Variants in SGCZ observed in about 807,000 individuals in gnomAD.
SGCZ encodes sarcoglycan zeta, also known as zeta-sarcoglycan.
Under a neutral mutation model 41.3 loss-of-function variants are expected in SGCZ, and 40 were observed. The observed-to-expected ratio is 0.97, with a 90% CI of 0.75 to 1.26. The LOEUF (loss-of-function observed/expected upper bound fraction) is 1.26, where lower values mean the gene tolerates loss of function less well. Ranked by LOEUF, SGCZ falls within the 50% of genes most tolerant of loss-of-function variation. SGCZ has a pLI of 0.00. For synonymous variants in SGCZ, 206 were observed against 137.5 expected (o/e 1.50, Z -3.49); for missense variants, 552 against 369.8 (o/e 1.49, Z -4.04).
At chr8:14,129,851 C>G (rs1224860623) in intron 5 of SGCZ, among the ~76,000 whole-genome samples, 1 of 152,084 alleles carries the variant, frequency 6.6e-6, no homozygotes, top group African/African-American at 2.4e-5. Context: ...ACAGAAGTAA[C>G]TGGAAACACA....
At chr8:14,871,831 T>C (rs936029027) in intron 1 of SGCZ, among the ~76,000 whole-genome samples, 1 of 151,154 alleles carries the variant, frequency 6.6e-6, no homozygotes, top group African/African-American at 2.4e-5. Context: ...TGTGTATATA[T>C]ATATATATGT....
At chr8:14,430,761 G>A (rs1490322136) in intron 2 of SGCZ, among the ~76,000 whole-genome samples, 2 of 152,134 alleles carry the variant, frequency 1.3e-5, no homozygotes, top group Admixed American at 6.5e-5. Context: ...AAATGTCGTT[G>A]TTTACTGATA....
chr8:14,976,025 T>A (rs1443274169), intron 1 of SGCZ, among the ~76,000 whole-genome samples: 1 of 146,878 alleles, frequency 6.8e-6, no homozygotes, highest in Non-Finnish European at 1.5e-5. Flanking sequence ...TACACATATA[T>A]ATTTTTTTTT....
chr8:15,162,213 A>C (rs923268567), intron 1 of SGCZ, among the ~76,000 whole-genome samples: 16 of 151,676 alleles, frequency 1.1e-4, no homozygotes, highest in Admixed American at 9.8e-4. Context: ...TGGACAAATA[A>C]CTCAAGACAT....
chr8:14,324,951 C>T (rs1449837688), intron 2 of SGCZ, among the ~76,000 whole-genome samples: 1 of 152,074 alleles, frequency 6.6e-6, no homozygotes, highest in Non-Finnish European at 1.5e-5. Context: ...AACATTCTGG[C>T]AACATTTAGA....
chr8:14,213,363 C>T (rs1563189289), intron 4 of SGCZ, among the ~76,000 whole-genome samples: 1 of 152,068 alleles, frequency 6.6e-6, no homozygotes, highest in African/African-American at 2.4e-5. Context: ...AATTTTTCAT[C>T]AGAAACCATG....
rs111744890 is a variant in SGCZ, at chr8:14,349,255, C to G, written c.235-25051G>C. Among the ~76,000 whole-genome samples, 782 of 152,214 alleles carry G rather than the reference C, an allele frequency of 5.1e-3. 6 individuals carry two copies. The highest frequency in any genetic ancestry group is 7.9e-3 in the Non-Finnish European group (537 of 67,994). On this transcript the variant is annotated intron_variant, in intron 2 of 7. Transcript: ENST00000382080. ...GAACTATCTTTGCAGGGAGAAGGTA[C>G]TCCTTCAATTCCCTTTTTCTCCCAA...
At chr8:15,088,879 G>C (rs1038020059) in intron 1 of SGCZ, among the ~76,000 whole-genome samples, 2 of 152,060 alleles carry the variant, frequency 1.3e-5, no homozygotes, top group African/African-American at 4.8e-5. Context: ...GTTTGTTTTA[G>C]CTTTCCTTTT....
chr8:14,483,092 C>T (rs994989645), intron 2 of SGCZ, among the ~76,000 whole-genome samples: 2 of 152,134 alleles, frequency 1.3e-5, no homozygotes, highest in Admixed American at 1.3e-4. Context: ...ATCTCTTACC[C>T]ACACTTAAAC....
intron 1 of SGCZ, among the ~76,000 whole-genome samples, chr8:14,750,813 C>T (rs183739558): frequency 6.4e-4 from 98 of 152,190 alleles, no homozygotes; most frequent in African/African-American, 1.9e-3. Context: ...AATAGTTTTG[C>T]GAAATGCATA....
intron 2 of SGCZ, among the ~76,000 whole-genome samples, chr8:14,404,233 C>G (rs1416676644): frequency 6.6e-6 from 1 of 152,032 alleles, no homozygotes; most frequent in Non-Finnish European, 1.5e-5. Context: ...TTTTTTTAAT[C>G]ACATAAAACT....
intron 7 of SGCZ, among the ~76,000 whole-genome samples, chr8:14,101,152 T>TA (rs1802007747): frequency 6.6e-6 from 1 of 152,036 alleles, no homozygotes. Flanking sequence ...TGCTAGACAT[T>TA]AAAAACATAA....
chr8:15,001,553 C>G (rs1490176627), intron 1 of SGCZ, among the ~76,000 whole-genome samples: 2 of 151,878 alleles, frequency 1.3e-5, no homozygotes, highest in Non-Finnish European at 2.9e-5. Context: ...CACAGTGAAA[C>G]CCCATCTCTA....
At chr8:14,571,245 C>T (rs1416232082) in intron 1 of SGCZ, among the ~76,000 whole-genome samples, 1 of 152,156 alleles carries the variant, frequency 6.6e-6, no homozygotes, top group Non-Finnish European at 1.5e-5. Flanking sequence ...GGGCAAACCG[C>T]ATCCATGATC....
intron 2 of SGCZ, among the ~76,000 whole-genome samples, chr8:14,521,906 C>G (rs1000469782): frequency 2.6e-5 from 4 of 152,058 alleles, no homozygotes; most frequent in African/African-American, 9.7e-5. Context: ...GCTGTAGATG[C>G]TGTACGTCAA....
At chr8:14,409,983 C>A (rs142221322) in intron 2 of SGCZ, among the ~76,000 whole-genome samples, 1 of 152,110 alleles carries the variant, frequency 6.6e-6, no homozygotes, top group Non-Finnish European at 1.5e-5. Flanking sequence ...TCCCAGGCCA[C>A]GGACCAGTAA....
chr8:15,155,146 T>C (rs1799292468), intron 1 of SGCZ, among the ~76,000 whole-genome samples: 1 of 151,702 alleles, frequency 6.6e-6, no homozygotes, highest in Non-Finnish European at 1.5e-5. Context: ...TACAGAAAAA[T>C]CAGCTGAGTG....
At chr8:14,765,855 C>A (rs1800019173) in intron 1 of SGCZ, among the ~76,000 whole-genome samples, 1 of 151,984 alleles carries the variant, frequency 6.6e-6, no homozygotes, top group South Asian at 2.1e-4. Flanking sequence ...AAATAAAACA[C>A]AAACATTTAA....
At position 14,160,935 on chromosome 8, in the gene SGCZ, A is replaced by G. The variant is rs1269511236; in HGVS notation, c.547+3645T>C. 3.3e-5 allele frequency among the ~76,000 whole-genome samples: 5 copies of G among 152,204 alleles called. No individual in the cohort carries two copies. The East Asian group carries it at 7.7e-4, about 23-fold the overall frequency. ...AAGACAAGTTCCTTTATAAAATGGC[A>G]TTGCTCAAAAAATATAAAGCTGCAA... On this transcript the variant is annotated intron_variant, in intron 5 of 7. Coordinates refer to ENST00000382080, the MANE Select transcript of SGCZ (RefSeq NM_139167.4).
Sources: allele counts gnomAD v4.1 joint callset (sites outside exome capture counted in the v4.1 genomes callset), GRCh38; gene constraint gnomAD v4.1.1; transcripts MANE v1.5; gene names NCBI Gene and HGNC (gene_info 2026-07-23, HGNC 2026-07-21).